RHEX: variants seen among roughly 807,000 people sequenced by gnomAD.
RHEX encodes the protein regulator of hemoglobinization and erythroid cell expansion, also known as regulator of hemoglobinization and erythroid cell expansion protein.
In RHEX, 18 loss-of-function variants were observed where a neutral mutation model predicts 20.1. The observed-to-expected ratio is 0.90, with a 90% CI of 0.62 to 1.33. RHEX has a LOEUF of 1.33. Ranked by LOEUF, RHEX falls within the 40% of genes most tolerant of loss-of-function variation. The pLI is 0.00. For synonymous variants in RHEX, 87 were observed against 77.1 expected, an observed-to-expected ratio of 1.13 and a Z score of -0.67; for missense variants, 192 against 214.3, an observed-to-expected ratio of 0.90 and a Z score of 0.65.
In RHEX at chr1:206,101,927, C is replaced by A. The variant is rs782021865; in HGVS notation, c.494C>A (p.Ala165Glu). Residue 165 changes from alanine (A) to glutamate (E), a missense_variant, in exon 6 of 6, where the codon GCG becomes GAG. Physicochemically the swap from Ala to Glu is moderately radical, Grantham distance 107. Coordinates refer to ENST00000331555, the MANE Select transcript of RHEX (RefSeq NM_001007544.4). ...GTCAACCCTGCTCTGTCTGAGCCAG[C>A]GGAATATGATCAAGTGGCCATGTGA... is the stretch of plus-strand genomic sequence containing the variant. ...YFVNPALSEP[A>E]EYDQVAM 11 of 1,613,556 alleles carry A rather than the reference C, an allele frequency of 6.8e-6. No individual in the cohort carries two copies. The highest frequency in any genetic ancestry group is 1.3e-5 in the African/African-American group (1 of 74,936).
At chr1:206,079,617 G>A (rs1281779256) in intron 1 of RHEX, among the ~76,000 whole-genome samples, 5 of 152,042 alleles carry the variant, frequency 3.3e-5, no homozygotes, top group East Asian at 1.9e-4. Context: ...GTGCAGTGGT[G>A]CGATCTCAAC....
chr1:206,090,330 A>G (rs1662923426), intron 1 of RHEX, among the ~76,000 whole-genome samples: 1 of 148,992 alleles, frequency 6.7e-6, no homozygotes, highest in Admixed American at 6.9e-5. Context: ...CTCAGCCTCC[A>G]GAGTTGTTGG....
At position 206,101,006 on chromosome 1, in the gene RHEX, C is replaced by G; in HGVS notation, c.257-130C>G. 4.7e-6 allele frequency: 3 copies of G among 638,234 alleles called. No homozygotes were observed. The Admixed American group carries it at 8.7e-5, about 19-fold the overall frequency. 39.5% of individuals were successfully genotyped at this position (638,234 alleles called of 1,614,324 possible). The stretch of plus-strand genomic sequence containing the variant: ...GTCTCTGTATCTCTCTTCCCTACCC[C>G]CCCTTTTTGTTGCTGGCTCTGCCTC... On this transcript the variant is annotated intron_variant, in intron 4 of 5. Transcript: ENST00000331555.
chr1:206,100,963 CCTT>C (rs1553288302), intron 4 of RHEX, among the ~76,000 whole-genome samples, 170 bp from the exon 5 acceptor site: 3 of 152,104 alleles, frequency 2.0e-5, no homozygotes, highest in African/African-American at 7.2e-5. Flanking sequence ...TTCTGTTTCT[CCTT>C]CTTCCTCTTT....
chr1:206,071,859 C>CAAAA (rs1245558004), intron 1 of RHEX, among the ~76,000 whole-genome samples: 1 of 47,318 alleles, frequency 2.1e-5, no homozygotes, highest in Admixed American at 2.4e-4. Flanking sequence ...TCCAACAACT[C>CAAAA]AAAAAAAAAA....
chr1:206,080,364 A>T (rs967639607), intron 1 of RHEX: 1 of 152,238 alleles, frequency 6.6e-6, no homozygotes, highest in Non-Finnish European at 1.5e-5. Context: ...CTGTTGACAC[A>T]ACATTCCCTA....
intron 1 of RHEX, among the ~76,000 whole-genome samples, chr1:206,056,622 T>TTTTAA (rs1662199791): frequency 1.3e-5 from 2 of 152,242 alleles, no homozygotes; most frequent in Admixed American, 1.3e-4. Context: ...AAGCCTCCCA[T>TTTTAA]GATCACAGTT....
In RHEX at chr1:206,101,735, T is replaced by A. The variant is rs1436427178; in HGVS notation, c.319-17T>A. 6 of 1,601,028 alleles carry A rather than the reference T, an allele frequency of 3.7e-6. No homozygotes were observed. The African/African-American group carries it at 8.0e-5, about 21-fold the overall frequency. Reference sequence around the variant, plus strand: ...TGGTAGGGATCTTGACCCACATGTCTCTGCTTTTCTCCTAAGGCCACAGAG... The same window carrying A: ...TGGTAGGGATCTTGACCCACATGTCACTGCTTTTCTCCTAAGGCCACAGAG... On this transcript the variant is annotated splice_polypyrimidine_tract_variant and intron_variant, in intron 5 of 5. Transcript: ENST00000331555.
chr1:206,070,636 G>A (rs1662507835), intron 1 of RHEX, among the ~76,000 whole-genome samples: 1 of 152,232 alleles, frequency 6.6e-6, no homozygotes, highest in Non-Finnish European at 1.5e-5. Flanking sequence ...CGTGTCCAGT[G>A]AGGAGGAATA....
chr1:206,099,393 G>A (rs367979714), intron 3 of RHEX, among the ~76,000 whole-genome samples: 3 of 151,042 alleles, frequency 2.0e-5, no homozygotes, highest in Admixed American at 6.6e-5. Context: ...GTCTCGGCTC[G>A]CTGCAACCTC....
intron 1 of RHEX, chr1:206,060,495 C>G (rs1460747114): frequency 1.3e-5 from 2 of 152,468 alleles, no homozygotes; most frequent in Non-Finnish European, 2.9e-5. Context: ...AGGTGGGCTC[C>G]TGGGGAAGGA....
intron 1 of RHEX, among the ~76,000 whole-genome samples, chr1:206,097,318 A>G (rs1326314755): frequency 6.6e-6 from 1 of 152,122 alleles, no homozygotes; most frequent in African/African-American, 2.4e-5. Flanking sequence ...TGCTGCTAAC[A>G]AGGTGACCTG....
intron 1 of RHEX, among the ~76,000 whole-genome samples, chr1:206,057,855 CT>C (rs1290858113): frequency 2.0e-5 from 3 of 152,272 alleles, no homozygotes; most frequent in Non-Finnish European, 2.9e-5. Context: ...GAACCCCCAT[CT>C]ACATGCTCAA....
At chr1:206,097,560 A>G in intron 1 of RHEX, 173 bp from the exon 2 acceptor site, 1 of 548,268 alleles carries the variant, frequency 1.8e-6, no homozygotes. Flanking sequence ...TTTACTCATC[A>G]AGGTTCTTTA....
chr1:206,083,477 G>A (rs1413400589), intron 1 of RHEX: 2 of 985,020 alleles, frequency 2.0e-6, no homozygotes, highest in Non-Finnish European at 2.4e-6. Flanking sequence ...GAGCGAGATT[G>A]CTATCTTCTG....
chr1:206,086,043 A>G (rs1662832147), intron 1 of RHEX, among the ~76,000 whole-genome samples: 1 of 152,050 alleles, frequency 6.6e-6, no homozygotes. Flanking sequence ...TCCCCATGAT[A>G]TTTGGCACAC....
chr1:206,072,680 T>A (rs1247033037), intron 1 of RHEX, among the ~76,000 whole-genome samples: 2 of 152,184 alleles, frequency 1.3e-5, no homozygotes, highest in Admixed American at 1.3e-4. Flanking sequence ...AAACTCAATT[T>A]ACTGAATTCC....
chr1:206,094,004 C>T (rs1280338832), intron 1 of RHEX, among the ~76,000 whole-genome samples: 10 of 152,052 alleles, frequency 6.6e-5, no homozygotes, highest in Non-Finnish European at 1.2e-4. Context: ...AGGTGCCTGG[C>T]AGGGCACTAC....
At position 206,067,544 on chromosome 1, in the gene RHEX, A is replaced by T. The variant is rs1325553014; in HGVS notation, c.-97+14279A>T. ...TTTAAAACCAAAGCTGATGATGTGG[A>T]TTCCTAATAAGATAAGTGAGCAACA... On this transcript the variant is annotated intron_variant, in intron 1 of 5. Transcript: ENST00000331555. This position sits in a 1 kb window ranked among gnomAD's most constrained non-coding sequence, Gnocchi z 4.6. Among the ~76,000 whole-genome samples, 2 of 152,220 alleles carry T rather than the reference A, an allele frequency of 1.3e-5. No homozygotes were observed. The highest frequency in any genetic ancestry group is 4.8e-5 in the African/African-American group (2 of 41,440).
Sources: allele counts gnomAD v4.1 joint callset (sites outside exome capture counted in the v4.1 genomes callset), GRCh38; gene constraint gnomAD v4.1.1; non-coding constraint Gnocchi (gnomAD v3.1); transcripts MANE v1.5; gene names NCBI Gene and HGNC (gene_info 2026-07-23, HGNC 2026-07-21).